Variants in CDCP2 observed in about 807,000 individuals in gnomAD.
CDCP2 encodes CUB domain-containing protein 2.
Under a neutral mutation model 31.0 loss-of-function variants are expected in CDCP2, and 31 were observed. The ratio of observed to expected loss-of-function variants is 1.00; its 90% CI spans 0.75 to 1.35. CDCP2 has a LOEUF of 1.35. CDCP2 is among the 40% of genes most tolerant of loss of function. The pLI is 0.00. For synonymous variants in CDCP2, 206 were observed against 207.9 expected (o/e 0.99, Z 0.08); for missense variants, 443 against 482.6 (o/e 0.92, Z 0.77).
At chr1:54,137,692 T>TGTGTGTGTGTGTGTGTGTGTGTGCGC (rs60839953) in intron 4 of CDCP2, 2 of 146,090 alleles carry the variant, frequency 1.4e-5, no homozygotes, top group African/African-American at 2.6e-5. Flanking sequence ...TGCGTGTGTG[T>TGTGTGTGTGTGTGTGTGTGTGTGCGC]GTGTGTGTGT....
chr1:54,136,442 T>C (rs688829), intron 5 of CDCP2, among the ~76,000 whole-genome samples, 188 bp downstream of exon 5: 5,917 of 152,268 alleles, frequency 0.039, 193 homozygotes, highest in African/African-American at 0.083. Context: ...GTCTCTCCTA[T>C]TGGAGTTCTT....
chr1:54,141,524 C>T, intron 2 of CDCP2, 91 bp from the exon 3 acceptor site: 1 of 1,112,938 alleles, frequency 9.0e-7, no homozygotes, highest in Non-Finnish European at 1.3e-6. Flanking sequence ...CATGCTGCCC[C>T]CACAGGTATC....
At position 54,139,362 on chromosome 1, in the gene CDCP2, C is replaced by T. The variant is rs907164964; in HGVS notation, c.1117+391G>A. The stretch of plus-strand genomic sequence containing the variant: ...GTAGTTCTGAATGATACAAGCAGGG[C>T]TGGTAGACATCCCCACAGTTATACC... On this transcript the variant is annotated intron_variant, in intron 4 of 5. Transcript: ENST00000530059. 8 of 620,930 alleles carry T rather than the reference C, an allele frequency of 1.3e-5. No homozygotes were observed. The African/African-American group carries it at 1.3e-4, about 10-fold the overall frequency. 38.5% of individuals were successfully genotyped at this position (620,930 alleles called of 1,614,324 possible). A position where few individuals can be genotyped will look rare whatever the true frequency, so the allele number is the denominator to read the frequency against.
At chr1:54,133,121 G>C in exon 6 of CDCP2, 1 of 399,130 alleles carries the variant, frequency 2.5e-6, no homozygotes, top group Non-Finnish European at 4.4e-6. Context: ...CTTCCTGAAG[G>C]TGCTCCGCAG....
chr1:54,133,118 A>C, exon 6 of CDCP2: 1 of 399,134 alleles, frequency 2.5e-6, no homozygotes, highest in Non-Finnish European at 4.4e-6. Context: ...GTGCTTCCTG[A>C]AGGTGCTCCG....
exon 6 of CDCP2, chr1:54,133,223 G>C (rs1263949615): frequency 1.0e-5 from 4 of 399,024 alleles, no homozygotes; most frequent in African/African-American, 8.2e-5. Flanking sequence ...CGTACTCATG[G>C]ATGTCCTCCC....
At chr1:54,136,831 G>A (rs1659266497) in intron 4 of CDCP2, 23 bp from the exon 5 acceptor site, 2 of 399,092 alleles carry the variant, frequency 5.0e-6, no homozygotes, top group Admixed American at 4.4e-5. Context: ...GGGAGGAGCT[G>A]GAAGCCTTAG....
At chr1:54,140,924 G>A (rs1033259472) in intron 3 of CDCP2, 174 bp downstream of exon 3, 1 of 494,980 alleles carries the variant, frequency 2.0e-6, no homozygotes, top group Non-Finnish European at 3.5e-6. Context: ...TCGCAGAGGT[G>A]ACATGCTTAT....
chr1:54,146,186 T>C (rs1659465872), intron 1 of CDCP2, among the ~76,000 whole-genome samples: 2 of 151,482 alleles, frequency 1.3e-5, no homozygotes, highest in Non-Finnish European at 2.9e-5. Flanking sequence ...GTATAATTTT[T>C]TTTTTTTTTT....
exon 4 of CDCP2, chr1:54,139,840 C>G (rs544962128): frequency 6.2e-7 from 1 of 1,613,818 alleles, no homozygotes; most frequent in South Asian, 1.1e-5. Context: ...CTTGAGGTCA[C>G]GGGTGGTGGC....
chr1:54,139,998 G>A lies in CDCP2; in HGVS notation c.872C>T (p.Pro291Leu), dbSNP rs778829789. 6.2e-6 allele frequency: 10 copies of A among 1,614,036 alleles called. No individual in the cohort carries two copies. The highest frequency in any genetic ancestry group is 2.7e-5 in the African/African-American group (2 of 75,036). Residue 291 changes from proline (P) to leucine (L), a missense_variant, in exon 4 of 6, where the codon CCG becomes CTG. Physicochemically the swap from Pro to Leu is moderately conservative, Grantham distance 98. Transcript: ENST00000530059. ...GAAGAACACCTTGACCTGGTAGCCC[G>A]GGGGCAGGCGGATGGTCCAGTGGCA...
chr1:54,152,562 T>G (rs1243972552), intron 1 of CDCP2, among the ~76,000 whole-genome samples: 2 of 152,306 alleles, frequency 1.3e-5, no homozygotes, highest in Non-Finnish European at 1.5e-5. Context: ...TTACTTAATA[T>G]CTCTAGTCCT....
intron 1 of CDCP2, among the ~76,000 whole-genome samples, chr1:54,148,102 C>T (rs1468311161): frequency 6.6e-6 from 1 of 151,770 alleles, no homozygotes; most frequent in Non-Finnish European, 1.5e-5. Context: ...AAACCCTGTT[C>T]TAATCACTGA....
exon 2 of CDCP2, chr1:54,144,477 C>A (rs144870678): frequency 6.4e-7 from 1 of 1,573,978 alleles, no homozygotes; most frequent in African/African-American, 1.3e-5. Context: ...TTTCTGGTAG[C>A]CCGCAGAAAA....
At chr1:54,133,208 G>A (rs971385768) in exon 6 of CDCP2, 18 of 399,000 alleles carry the variant, frequency 4.5e-5, no homozygotes, top group Admixed American at 1.3e-4. Flanking sequence ...GCTCACAGCG[G>A]ACCTCGTACT....
chr1:54,135,981 G>T (rs184433398), intron 5 of CDCP2, among the ~76,000 whole-genome samples: 13 of 152,260 alleles, frequency 8.5e-5, no homozygotes, highest in African/African-American at 2.9e-4. Context: ...AAATATCCAG[G>T]GTGCTTGAGC....
intron 4 of CDCP2, chr1:54,138,862 T>A (rs1659305160): frequency 6.6e-6 from 1 of 152,402 alleles, no homozygotes; most frequent in Admixed American, 6.5e-5. Flanking sequence ...ACGAGGAGCT[T>A]TGCTTGGCCA....
At chr1:54,135,836 G>A (rs563420695) in intron 5 of CDCP2, among the ~76,000 whole-genome samples, 2 of 152,234 alleles carry the variant, frequency 1.3e-5, no homozygotes, top group South Asian at 2.1e-4. Context: ...GGCGGGGGAG[G>A]GTTTGCTGGA....
At position 54,133,302 on chromosome 1, in the gene CDCP2, G is replaced by A. The variant is rs1659197857; in HGVS notation, c.1297-8C>T. On this transcript the variant is annotated splice_region_variant and splice_polypyrimidine_tract_variant and intron_variant, in intron 5 of 5. Transcript: ENST00000530059. The stretch of plus-strand genomic sequence containing the variant: ...TGAAGTGTTGTTTCTTCTCTGTGGG[G>A]TCACAGGGTACTCATCACACCTGAA... 5.0e-6 allele frequency: 2 copies of A among 399,110 alleles called. No homozygotes were observed. Among genetic ancestry groups the A allele is most frequent in the Non-Finnish European group, 8.8e-6 (2 of 226,124 alleles). 24.7% of individuals were successfully genotyped at this position (399,110 alleles called of 1,614,324 possible).
Sources: gnomAD v4.1 joint callset for allele counts (sites outside exome capture counted in the v4.1 genomes callset) on GRCh38, gnomAD v4.1.1 for gene constraint, MANE v1.5 for transcripts, NCBI Gene and HGNC (gene_info 2026-07-23, HGNC 2026-07-21) for gene names.